ZNF782: variants seen among roughly 807,000 people sequenced by gnomAD.
ZNF782 encodes zinc finger protein 782.
A neutral mutation model predicts 13.0 loss-of-function variants in ZNF782; 12 were observed. The observed-to-expected ratio is 0.92, with a 90% CI of 0.59 to 1.50. ZNF782 has a LOEUF of 1.50. Ranked by LOEUF, ZNF782 falls within the 40% of genes most tolerant of loss-of-function variation. The probability of loss-of-function intolerance (pLI) is 0.00; values close to 1 mark genes in which losing one functional copy is unlikely to be tolerated. For synonymous variants in ZNF782, 284 were observed against 283.0 expected (o/e 1.00, Z -0.04); for missense variants, 770 against 822.9 (o/e 0.94, Z 0.79).
chr9:96,919,157 C>A, the ZNF782 span: 1 of 146,786 alleles, frequency 6.8e-6, no homozygotes, highest in Non-Finnish European at 1.6e-5. Context: ...TTTCAGGTCC[C>A]AGCTTACTTT....
intron 4 of ZNF782, among the ~76,000 whole-genome samples, chr9:96,835,804 T>C (rs1850974176): frequency 6.6e-6 from 1 of 152,230 alleles, no homozygotes; most frequent in Non-Finnish European, 1.5e-5. Flanking sequence ...AGAGACTTGT[T>C]GCAGGGGCAG....
intron 1 of ZNF782, among the ~76,000 whole-genome samples, chr9:96,865,152 A>G (rs1037931272): frequency 6.6e-6 from 1 of 152,210 alleles, no homozygotes; most frequent in Admixed American, 6.5e-5. Flanking sequence ...CATTCAACTC[A>G]TCCCCACATT....
chr9:96,880,950 C>A, the ZNF782 span, among the ~76,000 whole-genome samples: 1 of 152,058 alleles, frequency 6.6e-6, no homozygotes, highest in South Asian at 2.1e-4. Context: ...CTATGAATTC[C>A]ATTTCTTTAA....
Position 96,818,735 on chromosome 9 carries a change from C to T in ZNF782, c.1288G>A (p.Ala430Thr), listed in dbSNP as rs758648001. 5 of 1,613,772 alleles carry T rather than the reference C, an allele frequency of 3.1e-6. No individual in the cohort carries two copies. In the East Asian group the frequency reaches 1.1e-4, roughly 36 times the overall value. ...KPYKCDGCDK[A>T]FSAKSGLRIH... ...CTTAGGCCTGACTTTGCACTGAAAG[C>T]TTTATCACATCCATCACATTTGTAT... is the stretch of plus-strand genomic sequence containing the variant. Residue 430 changes from alanine to threonine, a missense_variant, in exon 6 of 6, where the codon GCT becomes ACT. Physicochemically the swap from Ala to Thr is moderately conservative, Grantham distance 58. Coordinates refer to ENST00000481138, the MANE Select transcript of ZNF782 (RefSeq NM_001001662.3).
At chr9:96,874,705 A>G (rs992033895) in intron 1 of ZNF782, among the ~76,000 whole-genome samples, 1 of 152,202 alleles carries the variant, frequency 6.6e-6, no homozygotes, top group Non-Finnish European at 1.5e-5. Context: ...TGGTAAGGTC[A>G]GAGGGGTGTT....
the ZNF782 span, among the ~76,000 whole-genome samples, chr9:96,923,751 CAT>C: frequency 1.5e-5 from 2 of 136,604 alleles, no homozygotes; most frequent in African/African-American, 2.7e-5. Flanking sequence ...CTTGTATACA[CAT>C]ATTACACCTC....
At chr9:96,875,393 A>C (rs1463868714) in intron 1 of ZNF782, 1 of 442,998 alleles carries the variant, frequency 2.3e-6, no homozygotes, top group Non-Finnish European at 4.6e-6. Flanking sequence ...AAACAACGCC[A>C]TGAAGCAGGC....
chr9:96,917,897 T>C, the ZNF782 span, among the ~76,000 whole-genome samples: 921 of 147,622 alleles, frequency 6.2e-3, 29 homozygotes, highest in East Asian at 0.089. Flanking sequence ...CGTGTGTGTG[T>C]GTGTGTGTGT....
chr9:96,816,281 GGTTT>G lies in ZNF782; in HGVS notation c.*1638_*1641del, dbSNP rs1205864976. On this transcript the variant is annotated 3_prime_UTR_variant, in exon 6 of 6. Transcript: ENST00000481138. ...GTGGTATCAGATATTTTCTGTAAAA[GGTTT>G]GTTATTAATATTCATGTGGCAAATT... is the stretch of plus-strand genomic sequence containing the variant. Among the ~76,000 whole-genome samples, 2 of 152,184 alleles carry G rather than the reference GGTTT, an allele frequency of 1.3e-5. No homozygotes were observed. Among genetic ancestry groups the G allele is most frequent in the Non-Finnish European group, 2.9e-5 (2 of 68,040 alleles).
chr9:96,839,584 C>T (rs950879833), intron 4 of ZNF782, among the ~76,000 whole-genome samples: 4 of 152,060 alleles, frequency 2.6e-5, no homozygotes, highest in Admixed American at 2.6e-4. Context: ...ATATGCAAAA[C>T]GTATGTAGTT....
chr9:96,926,405 T>A, the ZNF782 span, among the ~76,000 whole-genome samples: 1 of 152,256 alleles, frequency 6.6e-6, no homozygotes, highest in African/African-American at 2.4e-5. Flanking sequence ...TTGGTAAGTT[T>A]ACCATGATTT....
rs577416270 is a variant in ZNF782 at position 96,863,358 on chromosome 9, A to T, written c.-456-1755T>A. 3.7e-3 allele frequency among the ~76,000 whole-genome samples: 569 copies of T among 152,310 alleles called. 4 individuals are homozygous for T. Among genetic ancestry groups the T allele is most frequent in the African/African-American group, 0.013 (543 of 41,556 alleles). On this transcript the variant is annotated intron_variant, in intron 1 of 5. Coordinates refer to the ZNF782 transcript ENST00000498811. ...TGGCCATAATTTAAAAATAAAAAAA[A>T]AAAAATACATGTTGGCTTGGATTTG...
At chr9:96,859,878 G>C (rs1053946421) in intron 3 of ZNF782, among the ~76,000 whole-genome samples, 1 of 152,306 alleles carries the variant, frequency 6.6e-6, no homozygotes, top group East Asian at 1.9e-4. Context: ...GCCTGGGCCA[G>C]AGGGGAGCCC....
chr9:96,925,109 C>T, the ZNF782 span, among the ~76,000 whole-genome samples: 5 of 152,174 alleles, frequency 3.3e-5, no homozygotes, highest in Non-Finnish European at 5.9e-5. Context: ...CGCGCTGCGT[C>T]GTCTCCCTGC....
chr9:96,856,276 A>C (rs1185484213), upstream of ZNF782, among the ~76,000 whole-genome samples: 1 of 152,218 alleles, frequency 6.6e-6, no homozygotes, highest in Non-Finnish European at 1.5e-5. Flanking sequence ...GCAGAAGAGT[A>C]TATCCATGAG....
rs144548430 is a variant in ZNF782 at position 96,819,128 on chromosome 9, G to C, written c.895C>G (p.His299Asp). 2 of 1,613,794 alleles carry C rather than the reference G, an allele frequency of 1.2e-6. No individual in the cohort carries two copies. Among genetic ancestry groups the C allele is most frequent in the Non-Finnish European group, 1.7e-6 (2 of 1,179,926 alleles). Residue 299 changes from histidine to aspartate, a missense_variant, in exon 6 of 6, where the codon CAC (histidine) becomes GAC (aspartate). Coordinates refer to ENST00000481138, the MANE Select transcript of ZNF782 (RefSeq NM_001001662.3). The stretch of plus-strand genomic sequence containing the variant: ...TGAACTCTATGATGTTCTCTAATGT[G>C]TGACTTTTGGCTGAAGGATTTCCCT... The part of the protein sequence containing the change: ...TGGKSFSQKS[H>D]IREHHRVHIG...
chr9:96,878,910 T>C (rs1021822420), upstream of ZNF782, among the ~76,000 whole-genome samples: 5 of 152,140 alleles, frequency 3.3e-5, no homozygotes, highest in African/African-American at 1.2e-4. Context: ...TCACATCCAC[T>C]CCAACACCAG....
intron 1 of ZNF782, among the ~76,000 whole-genome samples, chr9:96,866,103 C>T (rs138948299): frequency 0.034 from 5,129 of 152,248 alleles, 287 homozygotes; most frequent in African/African-American, 0.11. Context: ...ATTCAAGCCA[C>T]CTGCAGAAAT....
At chr9:96,930,872 G>GTTTTTTTTTTATTTTTTTTTTT in the ZNF782 span, among the ~76,000 whole-genome samples, 1 of 72,656 alleles carries the variant, frequency 1.4e-5, no homozygotes, top group Non-Finnish European at 2.5e-5. Flanking sequence ...CCATCCAGTG[G>GTTTTTTTTTTATTTTTTTTTTT]TTTTTTTTTT....
Sources: gnomAD v4.1 joint callset for allele counts (sites outside exome capture counted in the v4.1 genomes callset) on GRCh38, gnomAD v4.1.1 for gene constraint, MANE v1.5 for transcripts, NCBI Gene and HGNC (gene_info 2026-07-23, HGNC 2026-07-21) for gene names.